The following PLS3 variants were observed in gnomAD, a reference collection of about 807,000 sequenced individuals.
PLS3 encodes the protein plastin 3.
A neutral mutation model predicts 46.5 loss-of-function variants in PLS3; 11 were observed. The ratio of observed to expected loss-of-function variants is 0.24; its 90% confidence interval spans 0.15 to 0.39. The LOEUF is 0.39. Among genes scored for constraint, PLS3 ranks in the 10% least tolerant of loss-of-function variants. The probability of loss-of-function intolerance (pLI) is 1.00; values close to 1 mark genes in which losing one functional copy is unlikely to be tolerated. For synonymous variants in PLS3, 167 were observed against 162.2 expected, an observed-to-expected ratio of 1.03 and a Z score of -0.22; for missense variants, 308 against 461.8, an observed-to-expected ratio of 0.67 and a Z score of 3.05.
rs782661010 is a variant in PLS3, at chrX:115,646,234, C to T, written c.1377+48C>T. On this transcript the variant is annotated intron_variant, in intron 12 of 15. Coordinates refer to ENST00000355899, the MANE Select transcript of PLS3 (RefSeq NM_005032.7). ...ATATTTGTTAGAGTATTTTTATTCT[C>T]GATTAATTTCTTTTGTTTCTAAAAC... 22 of 867,177 alleles carry T rather than the reference C, an allele frequency of 2.5e-5. No homozygotes were observed. The East Asian group carries it at 6.4e-4, about 25-fold the overall frequency. The allele number at this position is 867,177 out of a possible 1,213,427, so 71.5% of individuals were successfully genotyped here.
At chrX:115,563,553 G>GA (rs1280880996) in intron 1 of PLS3, among the ~76,000 whole-genome samples, 25 of 108,246 alleles carry the variant, frequency 2.3e-4, no homozygotes, top group South Asian at 1.7e-3. Flanking sequence ...TTGCTTATCT[G>GA]AAAAAAAAAG....
At chrX:115,647,851 G>C in intron 14 of PLS3, 42 bp from the exon 15 acceptor site, 10 of 1,194,630 alleles carry the variant, frequency 8.4e-6, no homozygotes, top group Non-Finnish European at 1.1e-5. Context: ...ATGTTAATTT[G>C]TATGTATCAA....
chrX:115,586,151 A>T (rs2074306579), intron 1 of PLS3, among the ~76,000 whole-genome samples: 1 of 107,172 alleles, frequency 9.3e-6, no homozygotes, highest in Admixed American at 1.0e-4. Flanking sequence ...ACACCCGGCT[A>T]ATTTTGTATT....
chrX:115,647,684 A>G lies in PLS3; in HGVS notation c.1635+11A>G, dbSNP rs782264563. 1.0e-5 allele frequency: 12 copies of G among 1,194,686 alleles called. No homozygotes were observed. In the South Asian group the frequency reaches 1.4e-4, roughly 14 times the overall value. ...ATTCAGAGTTTTAAGGTCAGAATCC[A>G]TATTTGACTATTAAATATTATGTTT... On this transcript the variant is annotated intron_variant, in intron 14 of 15. Coordinates refer to ENST00000355899, the MANE Select transcript of PLS3 (RefSeq NM_005032.7).
chrX:115,573,111 GAAAA>G (rs2074226973), intron 1 of PLS3, among the ~76,000 whole-genome samples: 2 of 94,402 alleles, frequency 2.1e-5, no homozygotes, highest in African/African-American at 8.2e-5. Flanking sequence ...AAAAAAAAAA[GAAAA>G]AAGAAAGAAA....
intron 1 of PLS3, among the ~76,000 whole-genome samples, chrX:115,576,334 C>T (rs372701885): frequency 1.2e-4 from 13 of 111,142 alleles, no homozygotes; most frequent in South Asian, 3.8e-4. Context: ...TTTAGGAGGC[C>T]GAGACAGGAG....
chrX:115,586,286 A>G (rs2074307996), intron 1 of PLS3, among the ~76,000 whole-genome samples: 1 of 107,659 alleles, frequency 9.3e-6, no homozygotes, highest in Non-Finnish European at 1.9e-5. Context: ...CGCCCGGCCA[A>G]GAATAATCTA....
Position 115,647,420 on chromosome X carries a change from C to A in PLS3, c.1512-130C>A, listed in dbSNP as rs782097367. On this transcript the variant is annotated intron_variant, in intron 13 of 15. Transcript: ENST00000355899. ...CTGCACTCCAGCCTGGGCGACAGAG[C>A]GAGACTCCGTCTCAAAAAAAAGAAG... 4 of 632,319 alleles carry A rather than the reference C, an allele frequency of 6.3e-6. No homozygotes were observed. The East Asian group carries it at 1.1e-4, about 18-fold the overall frequency. 52.1% of individuals were successfully genotyped at this position (632,319 alleles called of 1,213,427 possible).
chrX:115,630,052 G>A lies in PLS3; in HGVS notation c.500+85G>A, dbSNP rs7052987. 3,733 of 651,017 alleles carry A rather than the reference G, an allele frequency of 5.7e-3. 105 individuals are homozygous for A. In the African/African-American group the frequency reaches 0.073, roughly 13 times the overall value. 53.7% of individuals were successfully genotyped at this position (651,017 alleles called of 1,213,427 possible). A position where few individuals can be genotyped will look rare whatever the true frequency, so the allele number is the denominator to read the frequency against. ...ATATTTGTTTCTGCATGCTTGACAG[G>A]TTCACCTCAAGAAATAACTAGAATG... On this transcript the variant is annotated intron_variant, in intron 5 of 15. Transcript: ENST00000355899.
chrX:115,571,529 GAAAA>G, intron 1 of PLS3, among the ~76,000 whole-genome samples: 1 of 96,978 alleles, frequency 1.0e-5, no homozygotes, highest in East Asian at 3.2e-4. Flanking sequence ...AAAAAAAAAA[GAAAA>G]AGAAAGAGAG....
At chrX:115,644,949 T>C (rs1043810861) in intron 10 of PLS3, 72 bp from the exon 11 acceptor site, 14 of 628,618 alleles carry the variant, frequency 2.2e-5, no homozygotes, top group Non-Finnish European at 3.4e-5. Flanking sequence ...TAATCTAATA[T>C]GTGTATTGGC....
intron 1 of PLS3, among the ~76,000 whole-genome samples, chrX:115,563,832 A>C (rs782325974): frequency 8.9e-6 from 1 of 112,141 alleles, no homozygotes; most frequent in East Asian, 2.8e-4. Flanking sequence ...GAGTTACTAG[A>C]GTTAACTACA....
At chrX:115,630,937 T>C (rs1363587791) in intron 5 of PLS3, among the ~76,000 whole-genome samples, 2 of 96,865 alleles carry the variant, frequency 2.1e-5, no homozygotes, top group Non-Finnish European at 4.0e-5. Flanking sequence ...ACAAAATATA[T>C]ATGTATAATA....
chrX:115,573,683 C>T (rs2074230720), intron 1 of PLS3, among the ~76,000 whole-genome samples: 1 of 111,668 alleles, frequency 9.0e-6, no homozygotes, highest in African/African-American at 3.2e-5. Context: ...AATTTCCTGC[C>T]TTGAACTTCT....
intron 1 of PLS3, among the ~76,000 whole-genome samples, chrX:115,578,928 A>G (rs1157865704): frequency 9.0e-6 from 1 of 110,834 alleles, no homozygotes; most frequent in Non-Finnish European, 1.9e-5. Flanking sequence ...GTTTCTTCCA[A>G]TGGTAAACTC....
chrX:115,571,418 T>C lies in PLS3; in HGVS notation c.-9+10158T>C, dbSNP rs781957376. ...CTATGTACCCAGCTACTTGGAAGGCTGAGGCACAAGAATCCCTCGAGTCTG... is the reference window on the plus strand; with the variant it reads ...CTATGTACCCAGCTACTTGGAAGGCCGAGGCACAAGAATCCCTCGAGTCTG... On this transcript the variant is annotated intron_variant, in intron 1 of 15. Transcript: ENST00000355899. 2.7e-5 allele frequency among the ~76,000 whole-genome samples: 3 copies of C among 109,674 alleles called. No homozygotes were observed. In the South Asian group the frequency reaches 1.2e-3, roughly 43 times the overall value.
In PLS3 at chrX:115,591,197, A is replaced by C. The variant is rs369155882; in HGVS notation, c.-8-19046A>C. On this transcript the variant is annotated intron_variant, in intron 1 of 15. Coordinates refer to ENST00000355899, the MANE Select transcript of PLS3 (RefSeq NM_005032.7). ...CTACCTAGCATTTACTAAGTAGAAG[A>C]TGTGCCCTTTTGAAGGGCATGTCTA... Among the ~76,000 whole-genome samples, 18 of 112,860 alleles carry C rather than the reference A, an allele frequency of 1.6e-4. No homozygotes were observed. In the South Asian group the frequency reaches 3.3e-3, roughly 21 times the overall value.
chrX:115,563,649 T>C (rs782606489), intron 1 of PLS3, among the ~76,000 whole-genome samples: 18 of 112,327 alleles, frequency 1.6e-4, no homozygotes, highest in African/African-American at 5.8e-4. Context: ...TGTATTCTTT[T>C]GCCAAAAACC....
At chrX:115,602,015 A>G (rs782164905) in intron 1 of PLS3, among the ~76,000 whole-genome samples, 1 of 111,759 alleles carries the variant, frequency 8.9e-6, no homozygotes, top group East Asian at 2.8e-4. Context: ...ACAAGGCACA[A>G]TACCCTTACC....
Sources: allele counts gnomAD v4.1 joint callset (sites outside exome capture counted in the v4.1 genomes callset), GRCh38; gene constraint gnomAD v4.1.1; transcripts MANE v1.5; gene names NCBI Gene and HGNC (gene_info 2026-07-23, HGNC 2026-07-21).